The following PLCL1 variants were observed in gnomAD, a reference collection of about 807,000 sequenced individuals.
PLCL1 encodes the protein inactive phospholipase C-like protein 1.
PLCL1 carries 41 observed loss-of-function variants against 84.4 expected under a neutral mutation model. The ratio of observed to expected loss-of-function variants is 0.49; its 90% confidence interval spans 0.38 to 0.63. The LOEUF is 0.63. Ranked by LOEUF, PLCL1 falls within the 30% of genes least tolerant of loss-of-function variation. The pLI is 0.00. For synonymous variants in PLCL1, 490 were observed against 488.3 expected (o/e 1.00, Z -0.05); for missense variants, 1,206 against 1,367.8 (o/e 0.88, Z 1.87).
chr2:198,038,470 C>G (rs973398519), intron 1 of PLCL1, among the ~76,000 whole-genome samples: 1 of 151,986 alleles, frequency 6.6e-6, no homozygotes, highest in Non-Finnish European at 1.5e-5. Context: ...AAGTTTACTA[C>G]TAGTGTATTT....
intron 1 of PLCL1, among the ~76,000 whole-genome samples, chr2:197,913,281 T>TA (rs1688526766): frequency 6.6e-6 from 1 of 152,224 alleles, no homozygotes; most frequent in South Asian, 2.1e-4. Flanking sequence ...TTTGCCAAGT[T>TA]AGAGTCCCGT....
At chr2:198,053,554 A>G (rs1330030916) in intron 1 of PLCL1, among the ~76,000 whole-genome samples, 1 of 152,152 alleles carries the variant, frequency 6.6e-6, no homozygotes, top group African/African-American at 2.4e-5. Context: ...TTGGCTTCTT[A>G]GCTCTTTTAG....
chr2:198,094,446 T>C lies in PLCL1; in HGVS notation c.2919+5385T>C, dbSNP rs149968536. 1.3e-4 allele frequency among the ~76,000 whole-genome samples: 20 copies of C among 152,242 alleles called. No individual in the cohort carries two copies. The East Asian group carries it at 3.7e-3, about 28-fold the overall frequency. On this transcript the variant is annotated intron_variant, in intron 3 of 5. Coordinates refer to ENST00000428675, the MANE Select transcript of PLCL1 (RefSeq NM_006226.4). ...TCAAGAAATCAAAAATCAAATGTAT[T>C]TGTAGCAAAATGGGCCTATTGACGT...
At chr2:197,844,381 G>A (rs936586907) in intron 1 of PLCL1, among the ~76,000 whole-genome samples, 1 of 150,034 alleles carries the variant, frequency 6.7e-6, no homozygotes, top group Non-Finnish European at 1.5e-5. Flanking sequence ...ATGCATCTTC[G>A]TGTTTGGCCT....
intron 1 of PLCL1, among the ~76,000 whole-genome samples, chr2:197,926,319 A>C (rs1395454664): frequency 1.3e-5 from 2 of 152,192 alleles, no homozygotes; most frequent in African/African-American, 2.4e-5. Context: ...CAATGGCTGA[A>C]CCCACTTGTG....
At chr2:197,843,535 T>C (rs1687054805) in intron 1 of PLCL1, among the ~76,000 whole-genome samples, 2 of 152,190 alleles carry the variant, frequency 1.3e-5, no homozygotes. Context: ...TATCCAATTT[T>C]GTTGATCACA....
intron 1 of PLCL1, among the ~76,000 whole-genome samples, chr2:197,895,058 G>A (rs1394129823): frequency 1.3e-5 from 2 of 152,040 alleles, no homozygotes; most frequent in Non-Finnish European, 2.9e-5. Context: ...GAAAGGGGAA[G>A]TAATTTAAAA....
chr2:198,090,391 A>G (rs1692994105), intron 3 of PLCL1, among the ~76,000 whole-genome samples: 1 of 152,028 alleles, frequency 6.6e-6, no homozygotes, highest in Non-Finnish European at 1.5e-5. Flanking sequence ...GCTTTTCTGT[A>G]TTTTTTCTAT....
chr2:197,865,698 G>A (rs1201986631), intron 1 of PLCL1, among the ~76,000 whole-genome samples: 1 of 151,974 alleles, frequency 6.6e-6, no homozygotes, highest in Non-Finnish European at 1.5e-5. Context: ...CGCGTCAAAT[G>A]ATGTATTTTA....
intron 1 of PLCL1, among the ~76,000 whole-genome samples, chr2:197,932,623 G>T (rs1688961179): frequency 6.6e-6 from 1 of 152,100 alleles, no homozygotes; most frequent in African/African-American, 2.4e-5. Flanking sequence ...TGCAGTGTCT[G>T]GTTTTCTGTT....
At chr2:198,098,054 T>C (rs1693243502) in intron 3 of PLCL1, among the ~76,000 whole-genome samples, 1 of 152,186 alleles carries the variant, frequency 6.6e-6, no homozygotes, top group African/African-American at 2.4e-5. Context: ...GTACCAAGTT[T>C]AATAAGAGTC....
At chr2:198,003,819 C>G (rs1690662773) in intron 1 of PLCL1, among the ~76,000 whole-genome samples, 1 of 152,170 alleles carries the variant, frequency 6.6e-6, no homozygotes, top group South Asian at 2.1e-4. Context: ...GGAGGTGGAA[C>G]TATTACAAAG....
intron 1 of PLCL1, among the ~76,000 whole-genome samples, chr2:197,935,061 T>G (rs1559049858): frequency 6.6e-6 from 1 of 152,048 alleles, no homozygotes; most frequent in Middle Eastern, 3.2e-3. Context: ...ATTTGAGAAA[T>G]GCAAATCAAA....
At chr2:197,878,395 T>C (rs183375518) in intron 1 of PLCL1, among the ~76,000 whole-genome samples, 8 of 152,312 alleles carry the variant, frequency 5.3e-5, no homozygotes, top group Admixed American at 3.3e-4. Context: ...GGACTTTGAA[T>C]TGGTTACTTC....
Position 198,040,123 on chromosome 2 carries a change from ACTT to A in PLCL1, c.241-43631_241-43629del, listed in dbSNP as rs141940337. On this transcript the variant is annotated intron_variant, in intron 1 of 5. Transcript: ENST00000428675. ...TTGCAACAATATTTCTTCTAGTTAT[ACTT>A]CTTTTTCTGAATCTTACTTTGTTAT... 2.4e-3 allele frequency among the ~76,000 whole-genome samples: 369 copies of A among 152,286 alleles called. 1 individual carries two copies. Among genetic ancestry groups the A allele is most frequent in the African/African-American group, 8.4e-3 (351 of 41,562 alleles).
intron 1 of PLCL1, among the ~76,000 whole-genome samples, chr2:197,833,241 A>C (rs970098668): frequency 6.6e-6 from 1 of 152,252 alleles, no homozygotes; most frequent in African/African-American, 2.4e-5. Flanking sequence ...TGAATGGGTA[A>C]AAGCTGTAAG....
chr2:198,108,859 C>T (rs1470230294), intron 5 of PLCL1, among the ~76,000 whole-genome samples: 1 of 151,878 alleles, frequency 6.6e-6, no homozygotes, highest in Non-Finnish European at 1.5e-5. Flanking sequence ...CTATATCCAA[C>T]TGTAGCAGTC....
At chr2:198,125,010 G>A (rs554811396) in intron 5 of PLCL1, among the ~76,000 whole-genome samples, 1 of 152,230 alleles carries the variant, frequency 6.6e-6, no homozygotes, top group Admixed American at 6.5e-5. Flanking sequence ...CATGTGGCTA[G>A]TGACTACCAT....
chr2:198,084,972 C>G lies in PLCL1; in HGVS notation c.1455C>G (p.Tyr485Ter). ...INKFAFVASE[Y>*]PLILCLGNHC... ...AATTTGCCTTTGTTGCTTCTGAATA[C>G]CCACTCATTCTTTGCTTGGGAAATC... is the stretch of plus-strand genomic sequence containing the variant. The change falls in exon 2 of 6, where the codon TAC (tyrosine) becomes TAG (stop). Residue 485 changes from tyrosine (Y) to a stop codon, truncating the protein, a stop_gained. Coordinates refer to ENST00000428675, the MANE Select transcript of PLCL1 (RefSeq NM_006226.4). LOFTEE classifies it high-confidence loss of function. 6.2e-7 allele frequency: 1 copy of G among 1,614,008 alleles called. No individual in the cohort carries two copies. The highest frequency in any genetic ancestry group is 2.2e-5 in the East Asian group (1 of 44,874).
Sources: gnomAD v4.1 joint callset for allele counts (sites outside exome capture counted in the v4.1 genomes callset) on GRCh38, gnomAD v4.1.1 for gene constraint, MANE v1.5 for transcripts, NCBI Gene and HGNC (gene_info 2026-07-23, HGNC 2026-07-21) for gene names.